TDRD5: variants seen among roughly 807,000 people sequenced by gnomAD.
TDRD5 encodes the protein tudor domain containing 5.
In TDRD5, 41 loss-of-function variants were observed where a neutral mutation model predicts 120.6. That is an observed-to-expected ratio of 0.34 (90% CI 0.26 to 0.44). The LOEUF (loss-of-function observed/expected upper bound fraction) is 0.44. Ranked by LOEUF, TDRD5 falls within the 20% of genes least tolerant of loss-of-function variation. The pLI is 1.00. For synonymous variants in TDRD5, 430 were observed against 433.7 expected, an observed-to-expected ratio of 0.99 and a Z score of 0.11; for missense variants, 1,006 against 1,221.2, an observed-to-expected ratio of 0.82 and a Z score of 2.63.
intron 14 of TDRD5, among the ~76,000 whole-genome samples, chr1:179,657,003 G>A (rs1337737920): frequency 6.6e-6 from 1 of 152,172 alleles, no homozygotes; most frequent in East Asian, 1.9e-4. Context: ...GTTGCAGTGA[G>A]CTGGGATCAC....
intron 16 of TDRD5, among the ~76,000 whole-genome samples, chr1:179,668,616 G>T (rs559089814): frequency 6.6e-6 from 1 of 152,188 alleles, no homozygotes; most frequent in South Asian, 2.1e-4. Flanking sequence ...CTCTTTCCCA[G>T]CCTGTGTATG....
chr1:179,631,458 C>T (rs1677446110), intron 7 of TDRD5, among the ~76,000 whole-genome samples: 2 of 152,108 alleles, frequency 1.3e-5, no homozygotes, highest in South Asian at 4.1e-4. Context: ...AAATAAAGTT[C>T]CTAAAATGGT....
chr1:179,624,638 A>C (rs1001798570), intron 6 of TDRD5, among the ~76,000 whole-genome samples: 2 of 152,214 alleles, frequency 1.3e-5, no homozygotes, highest in Admixed American at 6.5e-5. Context: ...ATGAAATTAA[A>C]TTCTGTTTAT....
chr1:179,653,803 A>G (rs75287988), intron 13 of TDRD5, among the ~76,000 whole-genome samples: 2,556 of 152,146 alleles, frequency 0.017, 85 homozygotes, highest in African/African-American at 0.059. Context: ...GTGAATTCCT[A>G]CTCATCTTTC....
chr1:179,683,228 G>C (rs1362194476), intron 17 of TDRD5, among the ~76,000 whole-genome samples: 2 of 152,154 alleles, frequency 1.3e-5, no homozygotes, highest in South Asian at 2.1e-4. Flanking sequence ...AGAGGTCACT[G>C]TCCTGGGATG....
rs1675226369 is a variant in TDRD5, at chr1:179,593,509, G to C, written c.282G>C (p.Gln94His). Residue 94 changes from glutamine (Q) to histidine (H), a missense_variant, in exon 3 of 18, where the codon CAG (glutamine) becomes CAC (histidine). By Grantham distance (24) the Gln-to-His change is conservative. This residue lies in a region of TDRD5 where 445 missense variants were observed against 515.5 expected (regional missense o/e 0.86). Coordinates refer to ENST00000444136, the MANE Select transcript of TDRD5 (RefSeq NM_001199085.3). Reference protein sequence around the residue: ...TKGIASLVAKQRSSHKLRNSM... With the variant: ...TKGIASLVAKHRSSHKLRNSM... ...GAATAGCAAGCTTAGTTGCAAAACAGAGGAGCAGCCATAAGCTTCGAAACT... is the reference window on the plus strand; with the variant it reads ...GAATAGCAAGCTTAGTTGCAAAACACAGGAGCAGCCATAAGCTTCGAAACT... 6.2e-7 allele frequency: 1 copy of C among 1,614,038 alleles called. No individual in the cohort carries two copies. Among genetic ancestry groups the C allele is most frequent in the Admixed American group, 1.7e-5 (1 of 60,008 alleles).
At position 179,630,886 on chromosome 1, in the gene TDRD5, A is replaced by G. The variant is rs775042435; in HGVS notation, c.1092A>G (p.Leu364=). ...VEFRKGHQDL[L]VFDADKKPLP... is the part of the protein sequence containing the mutation. ...TCAGGAAAGGACACCAAGACTTACT[A>G]GTGTTTGATGCGGATAAGAAGCCTC... The change falls in exon 7 of 18, where the codon CTA becomes CTG. Residue 364 remains leucine, a synonymous_variant. Coordinates refer to ENST00000444136, the MANE Select transcript of TDRD5 (RefSeq NM_001199085.3). The G allele has an allele frequency of 1.2e-6, 2 of 1,613,800 alleles. No individual in the cohort carries two copies. The highest frequency in any genetic ancestry group is 2.2e-5 in the South Asian group (2 of 91,004).
chr1:179,618,566 C>G (rs754973640), intron 4 of TDRD5, 33 bp from the exon 5 acceptor site: 3 of 1,537,860 alleles, frequency 2.0e-6, no homozygotes, highest in Admixed American at 4.1e-5. Context: ...GTCAGGGGGA[C>G]TGTGACTTGA....
At chr1:179,668,160 G>A in intron 16 of TDRD5, among the ~76,000 whole-genome samples, 1 of 152,186 alleles carries the variant, frequency 6.6e-6, no homozygotes, top group Non-Finnish European at 1.5e-5. Flanking sequence ...AATTCATAAT[G>A]GTTAAAATTT....
chr1:179,632,684 T>G (rs1229012864), intron 7 of TDRD5, among the ~76,000 whole-genome samples: 2 of 152,186 alleles, frequency 1.3e-5, no homozygotes, highest in African/African-American at 4.8e-5. Context: ...ATTAATAGTT[T>G]TAGTGTGTTT....
At chr1:179,629,295 G>A (rs916546755) in intron 6 of TDRD5, among the ~76,000 whole-genome samples, 1 of 152,002 alleles carries the variant, frequency 6.6e-6, no homozygotes, top group African/African-American at 2.4e-5. Flanking sequence ...AAAACCAAAA[G>A]GATTGAGAAT....
chr1:179,670,288 A>T (rs1161893021), intron 17 of TDRD5, among the ~76,000 whole-genome samples: 4 of 151,770 alleles, frequency 2.6e-5, no homozygotes, highest in Non-Finnish European at 1.5e-5. Flanking sequence ...TACTTGGGGG[A>T]GGCTGAGGCA....
In TDRD5 at chr1:179,663,433, A is replaced by T; in HGVS notation, c.2591A>T (p.His864Leu). The T allele has an allele frequency of 6.2e-7, 1 of 1,613,864 alleles. No individual in the cohort carries two copies. The highest frequency in any genetic ancestry group is 8.5e-7 in the Non-Finnish European group (1 of 1,179,898). The stretch of plus-strand genomic sequence containing the variant: ...GTAAATGGAACGAAAGTAGAAGTTC[A>T]TAAGCCAGAAGTACTGGGTGCTCAG... ...GLVNGTKVEV[H>L]KPEVLGAQEK... Residue 864 changes from histidine to leucine, a missense_variant, in exon 16 of 18, where the codon CAT (histidine) becomes CTT (leucine). His to Leu is a moderately conservative substitution (Grantham distance 99, BLOSUM62 -3). Around this residue, in one of 3 missense-constraint regions of TDRD5, gnomAD observed 403 missense variants for 448.1 expected, o/e 0.90. Transcript: ENST00000444136.
chr1:179,626,105 C>T (rs1319478515), intron 6 of TDRD5, among the ~76,000 whole-genome samples: 4 of 151,954 alleles, frequency 2.6e-5, no homozygotes, highest in Admixed American at 1.3e-4. Context: ...GGAGATATAC[C>T]TAATGCTAGA....
intron 13 of TDRD5, among the ~76,000 whole-genome samples, chr1:179,653,429 G>A (rs1039516939): frequency 1.3e-5 from 2 of 152,040 alleles, no homozygotes. Context: ...GTTTCCTACT[G>A]CATGTTCAAA....
Position 179,634,487 on chromosome 1 carries a change from C to T in TDRD5, c.1157C>T (p.Ala386Val), listed in dbSNP as rs199682173. The stretch of plus-strand genomic sequence containing the variant: ...TCAGATAAGAAAATAGAAGCCAAAG[C>T]TTGTGTCTCCAGTCCACCTAGAAAT... ...VQSDKKIEAKACVSSPPRNSL... is the reference protein window; with the variant it reads ...VQSDKKIEAKVCVSSPPRNSL... Residue 386 changes from alanine to valine, a missense_variant, in exon 8 of 18, where the codon GCT becomes GTT. This residue lies in a region of TDRD5 where 445 missense variants were observed against 515.5 expected (regional missense o/e 0.86). Transcript: ENST00000444136. The T allele has an allele frequency of 1.9e-6, 3 of 1,604,148 alleles. No homozygotes were observed. The highest frequency in any genetic ancestry group is 2.2e-5 in the East Asian group (1 of 44,774).
chr1:179,607,332 C>G (rs746720576), intron 4 of TDRD5, among the ~76,000 whole-genome samples: 1 of 152,056 alleles, frequency 6.6e-6, no homozygotes, highest in Non-Finnish European at 1.5e-5. Context: ...TTAAAAAATT[C>G]TGTCCTATTT....
At position 179,630,843 on chromosome 1, in the gene TDRD5, A is replaced by G; in HGVS notation, c.1049A>G (p.Asp350Gly). 1 of 1,614,158 alleles carries G rather than the reference A, an allele frequency of 6.2e-7. No homozygotes were observed. The highest frequency in any genetic ancestry group is 8.5e-7 in the Non-Finnish European group (1 of 1,180,012). The part of the protein sequence containing the change: ...NVTELVGALS[D>G]ILHVEFRKGH... ...ACAGAACTTGTTGGAGCTCTTAGTG[A>G]CATTCTCCATGTTGAGTTCAGGAAA... Residue 350 changes from aspartate (D) to glycine (G), a missense_variant, in exon 7 of 18, where the codon GAC becomes GGC. This residue lies in a region of TDRD5 where 445 missense variants were observed against 515.5 expected (regional missense o/e 0.86). Transcript: ENST00000444136.
At chr1:179,644,357 T>C (rs1678223185) in intron 11 of TDRD5, among the ~76,000 whole-genome samples, 1 of 152,192 alleles carries the variant, frequency 6.6e-6, no homozygotes, top group African/African-American at 2.4e-5. Context: ...TATGTTGATG[T>C]AATATATATT....
Sources: gnomAD v4.1 joint callset for allele counts (sites outside exome capture counted in the v4.1 genomes callset) on GRCh38, gnomAD v4.1.1 for gene constraint, gnomAD v4.1.1 regional missense constraint, MANE v1.5 for transcripts, NCBI Gene and HGNC (gene_info 2026-07-23, HGNC 2026-07-21) for gene names.